GRIA4: variants seen among roughly 807,000 people sequenced by gnomAD.
The protein encoded by GRIA4 is glutamate ionotropic receptor AMPA type subunit 4.
A neutral mutation model predicts 104.0 loss-of-function variants in GRIA4; 34 were observed. That is an observed-to-expected ratio of 0.33 (90% CI 0.25 to 0.44). The LOEUF is 0.44. Among genes scored for constraint, GRIA4 ranks in the 20% least tolerant of loss-of-function variants. The pLI, the probability that GRIA4 is intolerant of heterozygous loss-of-function variation, is 1.00. For missense variants in GRIA4, 750 were observed against 1,096.5 expected, an observed-to-expected ratio of 0.68 and a Z score of 4.46; for synonymous variants, 386 against 381.9, an observed-to-expected ratio of 1.01 and a Z score of -0.13.
At chr11:105,706,553 TA>T in intron 3 of GRIA4, 1 of 153,628 alleles carries the variant, frequency 6.5e-6, no homozygotes. Context: ...AGGATAAATA[TA>T]AAAATATTGA....
intron 14 of GRIA4, among the ~76,000 whole-genome samples, chr11:105,949,215 G>T (rs1052156884): frequency 6.6e-6 from 1 of 152,080 alleles, no homozygotes; most frequent in African/African-American, 2.4e-5. Context: ...GTTTATGTCC[G>T]CTTGCCAACA....
chr11:105,854,643 G>A (rs1261644347), intron 4 of GRIA4, among the ~76,000 whole-genome samples: 1 of 152,154 alleles, frequency 6.6e-6, no homozygotes, highest in Non-Finnish European at 1.5e-5. Flanking sequence ...GTGTCGGTAG[G>A]AAGAAATGGC....
At position 105,722,452 on chromosome 11, in the gene GRIA4, C is replaced by G. The variant is rs531030240; in HGVS notation, c.248-30529C>G. ...ATAATCGGTTTGTGGAGACATAACC[C>G]AATTGTAAGTAGAGAAGCATCTGTA... On this transcript the variant is annotated intron_variant, in intron 3 of 16. Coordinates refer to ENST00000282499, the MANE Select transcript of GRIA4 (RefSeq NM_000829.4). Among the ~76,000 whole-genome samples the G allele has an allele frequency of 2.0e-5, 3 of 152,064 alleles. No individual in the cohort carries two copies. The East Asian group carries it at 5.8e-4, about 29-fold the overall frequency.
At chr11:105,942,988 T>C (rs1297642708) in intron 14 of GRIA4, among the ~76,000 whole-genome samples, 1 of 152,132 alleles carries the variant, frequency 6.6e-6, no homozygotes, top group Non-Finnish European at 1.5e-5. Context: ...ACATCTCTAT[T>C]TCCTTCCCAC....
At chr11:105,717,853 C>A in intron 3 of GRIA4, among the ~76,000 whole-genome samples, 1 of 105,814 alleles carries the variant, frequency 9.5e-6, no homozygotes, top group Admixed American at 1.2e-4. Flanking sequence ...CCAATGCTAT[C>A]CCTCCCCCCT....
chr11:105,860,006 G>A (rs2136014052), intron 4 of GRIA4, among the ~76,000 whole-genome samples: 1 of 152,204 alleles, frequency 6.6e-6, no homozygotes, highest in South Asian at 2.1e-4. Context: ...AGAATGCTGG[G>A]GTTTTGGGGC....
intron 3 of GRIA4, among the ~76,000 whole-genome samples, chr11:105,703,827 A>T (rs921333486): frequency 6.6e-6 from 1 of 152,062 alleles, no homozygotes; most frequent in East Asian, 1.9e-4. Flanking sequence ...GCAGGTTCTT[A>T]TAAATTTTTA....
intron 4 of GRIA4, chr11:105,797,762 G>T: frequency 4.4e-6 from 2 of 453,980 alleles, no homozygotes; most frequent in Non-Finnish European, 8.9e-6. Context: ...GCAAGTAATT[G>T]TATGCCAAGT....
intron 4 of GRIA4, among the ~76,000 whole-genome samples, chr11:105,806,487 C>T (rs1416148671): frequency 6.6e-6 from 1 of 151,714 alleles, no homozygotes; most frequent in African/African-American, 2.4e-5. Flanking sequence ...ACTCAAACTC[C>T]CCATTTCTTT....
intron 3 of GRIA4, among the ~76,000 whole-genome samples, chr11:105,739,013 T>C (rs1427994889): frequency 6.6e-6 from 1 of 151,982 alleles, no homozygotes; most frequent in Non-Finnish European, 1.5e-5. Flanking sequence ...AATTTCTTTC[T>C]TCCTTTTCTC....
intron 3 of GRIA4, among the ~76,000 whole-genome samples, chr11:105,747,849 A>C (rs1939754319): frequency 6.6e-6 from 1 of 152,220 alleles, no homozygotes; most frequent in African/African-American, 2.4e-5. Flanking sequence ...AATTAAAAAC[A>C]GCCAAAATGC....
At chr11:105,810,206 CAAAT>C (rs1943116735) in intron 4 of GRIA4, among the ~76,000 whole-genome samples, 2 of 152,288 alleles carry the variant, frequency 1.3e-5, no homozygotes, top group Admixed American at 1.3e-4. Context: ...TGAACCCAAA[CAAAT>C]AACATCCATG....
At chr11:105,912,619 TC>T in intron 10 of GRIA4, 2 of 584,404 alleles carry the variant, frequency 3.4e-6, no homozygotes, top group Non-Finnish European at 4.3e-6. Flanking sequence ...ATTTTTGCTA[TC>T]AAAATAGTAT....
In GRIA4 at chr11:105,610,968, G is replaced by C; in HGVS notation, c.-30G>C. On this transcript the variant is annotated 5_prime_UTR_variant, in exon 2 of 17. Transcript: ENST00000282499. The stretch of plus-strand genomic sequence containing the variant: ...AGGAAGAGTGCGAGAGAAAGAGAGA[G>C]AGCGCGCGCCAGGGAGAGGAGAAAA... 2.8e-6 allele frequency: 4 copies of C among 1,435,282 alleles called. No individual in the cohort carries two copies. Among genetic ancestry groups the C allele is most frequent in the Non-Finnish European group, 3.9e-6 (4 of 1,019,238 alleles). The allele number at this position is 1,435,282 out of a possible 1,614,324, so 88.9% of individuals were successfully genotyped here.
rs900884111 is a variant in GRIA4 at position 105,865,731 on chromosome 11, T to C, written c.672+3523T>C. 2.6e-5 allele frequency among the ~76,000 whole-genome samples: 4 copies of C among 152,208 alleles called. No homozygotes were observed. The South Asian group carries it at 6.2e-4, about 24-fold the overall frequency. ...AAGAGTCCCTATGGATTCTACCTAA[T>C]AACGTTATCAATTGAACATTGAAGT... On this transcript the variant is annotated intron_variant, in intron 5 of 16. Transcript: ENST00000282499.
At chr11:105,758,593 A>G (rs1164841560) in intron 4 of GRIA4, among the ~76,000 whole-genome samples, 1 of 152,176 alleles carries the variant, frequency 6.6e-6, no homozygotes, top group African/African-American at 2.4e-5. Flanking sequence ...CTCAAGAAAA[A>G]TTGCCTCAAA....
At chr11:105,964,438 A>G (rs867909266) in intron 14 of GRIA4, among the ~76,000 whole-genome samples, 1 of 152,212 alleles carries the variant, frequency 6.6e-6, no homozygotes, top group South Asian at 2.1e-4. Context: ...TAAGACAATA[A>G]ACACTTTAGT....
chr11:105,610,865 CTTTTCTTT>C (rs1950454889), intron 1 of GRIA4, 35 bp from the exon 2 acceptor site: 4 of 505,898 alleles, frequency 7.9e-6, no homozygotes, highest in Admixed American at 4.5e-5. Flanking sequence ...TCTTTTCTTT[CTTTTCTTT>C]TTTTTTTTTT....
In GRIA4 at chr11:105,936,835, A is replaced by G. The variant is rs139183078; in HGVS notation, c.2294+2866A>G. ...GGTGACTAGCACCTGTCCTTACAGT[A>G]GAGAATGATTTACAGAGCTCTTTAC... On this transcript the variant is annotated intron_variant, in intron 14 of 16. Transcript: ENST00000282499. Among the ~76,000 whole-genome samples the G allele has an allele frequency of 4.4e-4, 67 of 152,342 alleles. No homozygotes were observed. The East Asian group carries it at 0.013, about 29-fold the overall frequency.
Sources: allele counts gnomAD v4.1 joint callset (sites outside exome capture counted in the v4.1 genomes callset), GRCh38; gene constraint gnomAD v4.1.1; transcripts MANE v1.5; gene names NCBI Gene and HGNC (gene_info 2026-07-23, HGNC 2026-07-21).